The following NEB variants were observed in gnomAD, a reference collection of about 807,000 sequenced individuals.
NEB encodes nebulin.
A neutral mutation model predicts 952.2 loss-of-function variants in NEB; 512 were observed. That is an observed-to-expected ratio of 0.54 (90% confidence interval 0.50 to 0.58). The LOEUF is 0.58. NEB is among the 20% of genes least tolerant of loss of function. The probability of loss-of-function intolerance (pLI) is 0.00; values close to 1 mark genes in which losing one functional copy is unlikely to be tolerated. For missense variants in NEB, 8,428 were observed against 9,231.1 expected, an observed-to-expected ratio of 0.91 and a Z score of 3.56; for synonymous variants, 2,900 against 3,149.8, an observed-to-expected ratio of 0.92 and a Z score of 2.66.
Position 151,642,577 on chromosome 2 carries a change from A to G in NEB, c.8370T>C (p.Ser2790=). 1 of 1,609,430 alleles carries G rather than the reference A, an allele frequency of 6.2e-7. No individual in the cohort carries two copies. The highest frequency in any genetic ancestry group is 8.5e-7 in the Non-Finnish European group (1 of 1,177,122). ...KAAKASRDIA[S]EFKYKEGYRK... Reference sequence around the variant, plus strand: ...ATAACTTTCCAAGTATACTTACTTCACTTGCAATATCTCTGGAGGCCTTGG... The same window carrying G: ...ATAACTTTCCAAGTATACTTACTTCGCTTGCAATATCTCTGGAGGCCTTGG... The change falls in exon 60 of 182, where the codon AGT becomes AGC. Residue 2790 remains serine (S), a synonymous_variant. Coordinates refer to ENST00000397345, the MANE Select transcript of NEB (RefSeq NM_001164508.2).
rs547326393 is a variant in NEB, at chr2:151,650,633, A to T, written c.7168T>A (p.Cys2390Ser). 6.2e-7 allele frequency: 1 copy of T among 1,611,860 alleles called. No homozygotes were observed. The highest frequency in any genetic ancestry group is 8.5e-7 in the Non-Finnish European group (1 of 1,178,486). The change falls in exon 53 of 182, where the codon TGT (cysteine) becomes AGT (serine). Residue 2390 changes from cysteine (C) to serine (S), a missense_variant. Around this residue, in one of 11 missense-constraint regions of NEB, gnomAD observed 1,772 missense variants for 1,960.3 expected, o/e 0.90. Coordinates refer to ENST00000397345, the MANE Select transcript of NEB (RefSeq NM_001164508.2). ...ACAACATCGTTCTGATCAGGCAGAC[A>T]TGTCCACTGATGCAGGTAGTTCTTG... is the stretch of plus-strand genomic sequence containing the variant. ...DYKNYLHQWT[C>S]LPDQNDVVQA... is the part of the protein sequence containing the mutation.
chr2:151,524,366 A>C lies in NEB; in HGVS notation c.22424T>G (p.Met7475Arg). 1 of 1,613,984 alleles carries C rather than the reference A, an allele frequency of 6.2e-7. No individual in the cohort carries two copies. Among genetic ancestry groups the C allele is most frequent in the Non-Finnish European group, 8.5e-7 (1 of 1,179,880 alleles). ...CATTTCTATGTCTGGGCGACCGAGC[A>C]TGCTTAAGCCATGGCTGCCTTCCTT... is the stretch of plus-strand genomic sequence containing the variant. ...HRKEGSHGLSMLGRPDIEMAK... is the reference protein window; with the variant it reads ...HRKEGSHGLSRLGRPDIEMAK... The change falls in exon 153 of 182, where the codon ATG (methionine) becomes AGG (arginine). Residue 7475 changes from methionine to arginine, a missense_variant. Transcript: ENST00000397345.
chr2:151,626,342 T>C (rs1478788881), intron 70 of NEB, among the ~76,000 whole-genome samples: 4 of 152,068 alleles, frequency 2.6e-5, no homozygotes, highest in African/African-American at 7.2e-5. Context: ...CTCAAACTGC[T>C]GAGCTCAAGT....
chr2:151,546,001 T>TAAA lies in NEB; in HGVS notation c.20467-6_20467-4dup, dbSNP rs10687343. ...TTATCAGTGTATAGGTAATTAGACT[T>TAAA]AAAAAAAAAAAAAAAAACAGAAATA... On this transcript the variant is annotated splice_polypyrimidine_tract_variant and splice_region_variant and intron_variant, in intron 134 of 181. Transcript: ENST00000397345. The TAAA allele has an allele frequency of 0.042, 38,848 of 933,346 alleles. 51 individuals are homozygous for TAAA. Among genetic ancestry groups the TAAA allele is most frequent in the Non-Finnish European group, 0.045 (28,427 of 632,802 alleles). 57.8% of individuals were successfully genotyped at this position (933,346 alleles called of 1,614,324 possible).
At chr2:151,636,172 A>T in intron 64 of NEB, 55 bp downstream of exon 64, 1 of 1,408,680 alleles carries the variant, frequency 7.1e-7, no homozygotes, top group African/African-American at 1.4e-5. Flanking sequence ...GATTTAGTTC[A>T]GTGAAAATGC....
At position 151,562,011 on chromosome 2, in the gene NEB, C is replaced by T. The variant is rs888076542; in HGVS notation, c.18996+99G>A. On this transcript the variant is annotated intron_variant, in intron 121 of 181. Coordinates refer to ENST00000397345, the MANE Select transcript of NEB (RefSeq NM_001164508.2). ...GGGCTTTGGTCAGTTAGAGCCTACA[C>T]TGTTACAGCAACTTTCTTTGCCTGC... 10 of 905,130 alleles carry T rather than the reference C, an allele frequency of 1.1e-5. No homozygotes were observed. In the Admixed American group the frequency reaches 1.3e-4, roughly 11 times the overall value. 56.1% of individuals were successfully genotyped at this position (905,130 alleles called of 1,614,324 possible). A position where few individuals can be genotyped will look rare whatever the true frequency, so the allele number is the denominator to read the frequency against.
At position 151,537,913 on chromosome 2, in the gene NEB, C is replaced by G. The variant is rs763505713; in HGVS notation, c.21061G>C (p.Glu7021Gln). The G allele has an allele frequency of 6.2e-7, 1 of 1,613,132 alleles. No individual in the cohort carries two copies. Among genetic ancestry groups the G allele is most frequent in the East Asian group, 2.2e-5 (1 of 44,832 alleles). Residue 7021 changes from glutamate (E) to glutamine (Q), a missense_variant, in exon 140 of 182, where the codon GAG becomes CAG. Physicochemically the swap from Glu to Gln is conservative, Grantham distance 29. Around this residue, in one of 11 missense-constraint regions of NEB, gnomAD observed 3,374 missense variants for 3,651.5 expected, o/e 0.92. Coordinates refer to ENST00000397345, the MANE Select transcript of NEB (RefSeq NM_001164508.2). ...GIWRSIPDRP[E>Q]HFHHRAVTDT... Reference sequence around the variant, plus strand: ...GTGACTGCTCGGTGGTGGAAATGCTCTGGACGATCAGGAATGGACCTCCAG... The same window carrying G: ...GTGACTGCTCGGTGGTGGAAATGCTGTGGACGATCAGGAATGGACCTCCAG...
intron 9 of NEB, among the ~76,000 whole-genome samples, chr2:151,718,343 C>A (rs1045597072): frequency 6.6e-6 from 1 of 152,164 alleles, no homozygotes; most frequent in Non-Finnish European, 1.5e-5. Context: ...GTTCTGTGAA[C>A]AACAGCTTGC....
intron 77 of NEB, 110 bp downstream of exon 77, chr2:151,614,166 T>C (rs1444540998): frequency 8.1e-7 from 1 of 1,235,824 alleles, no homozygotes; most frequent in Admixed American, 2.5e-5. Context: ...TTCAGAACAT[T>C]ATCCTAAAGA....
chr2:151,627,887 GC>G, intron 68 of NEB, 53 bp from the exon 69 acceptor site: 1 of 1,553,512 alleles, frequency 6.4e-7, no homozygotes, highest in South Asian at 1.2e-5. Context: ...AGGCTTAGAA[GC>G]CTCATTAATT....
chr2:151,512,706 G>T, intron 161 of NEB, 27 bp downstream of exon 161: 1 of 1,479,582 alleles, frequency 6.8e-7, no homozygotes, highest in Non-Finnish European at 9.4e-7. Flanking sequence ...TGGGGTTTAT[G>T]AGTGATGGCA....
chr2:151,681,886 C>A (rs2099416446), intron 29 of NEB, among the ~76,000 whole-genome samples: 1 of 152,110 alleles, frequency 6.6e-6, no homozygotes, highest in South Asian at 2.1e-4. Flanking sequence ...TCTATAATAA[C>A]TGCATTATTC....
In NEB at chr2:151,627,655, T is replaced by C. The variant is rs2098551318; in HGVS notation, c.10011A>G (p.Gly3337=). 3.1e-6 allele frequency: 5 copies of C among 1,613,806 alleles called. No individual in the cohort carries two copies. Among genetic ancestry groups the C allele is most frequent in the African/African-American group, 2.7e-5 (2 of 74,880 alleles). Residue 3337 remains glycine (G), a synonymous_variant, in exon 69 of 182, where the codon GGA becomes GGG. Transcript: ENST00000397345. ...TCTGGCACTTCTTGGCTAACACCAC[T>C]CCCAGCATGTCCACTGGGCTGCTGA... ...TKFSSPVDML[G]VVLAKKCQTL...
At chr2:151,545,848 T>C (rs372252328) in intron 135 of NEB, 40 bp downstream of exon 135, 132 of 1,266,042 alleles carry the variant, frequency 1.0e-4, no homozygotes, top group Non-Finnish European at 1.5e-4. Flanking sequence ...TTTGTACTGG[T>C]CAATTTGATT....
rs545994198 is a variant in NEB at position 151,530,916 on chromosome 2, T to C, written c.21630+78A>G. ...AGGGTGGTTGTTACACAGGAATAGATAACTGGACCAGGGTTTGTTACATCT... is the reference window on the plus strand; with the variant it reads ...AGGGTGGTTGTTACACAGGAATAGACAACTGGACCAGGGTTTGTTACATCT... On this transcript the variant is annotated intron_variant, in intron 145 of 181. Coordinates refer to ENST00000397345, the MANE Select transcript of NEB (RefSeq NM_001164508.2). 2.4e-5 allele frequency: 22 copies of C among 900,908 alleles called. No individual in the cohort carries two copies. In the East Asian group the frequency reaches 5.6e-4, roughly 23 times the overall value. 55.8% of individuals were successfully genotyped at this position (900,908 alleles called of 1,614,324 possible).
In NEB at chr2:151,619,715, G is replaced by A. The variant is rs144673752; in HGVS notation, c.10608C>T (p.Gly3536=). The A allele has an allele frequency of 1.2e-4, 191 of 1,613,686 alleles. No homozygotes were observed. The highest frequency in any genetic ancestry group is 9.9e-4 in the Middle Eastern group (6 of 6,060). The part of the protein sequence containing the change: ...AYRKQLGHHI[G]ARAVHDDPKI... ...TGGGGTCATCGTGTACTGCTCGGGC[G>A]CCAATGTGGTGACCCAACTGTTTAC... The change falls in exon 73 of 182, where the codon GGC becomes GGT. Residue 3536 remains glycine (G), a synonymous_variant. Coordinates refer to ENST00000397345, the MANE Select transcript of NEB (RefSeq NM_001164508.2).
At position 151,640,027 on chromosome 2, in the gene NEB, C is replaced by T. The variant is rs201707021; in HGVS notation, c.8719G>A (p.Gly2907Ser). ...MYKSDLQWMRGIGWVSIGSLD... is the reference protein window; with the variant it reads ...MYKSDLQWMRSIGWVSIGSLD... ...GAGCCAATGGACACCCAGCCAATGCCTCTCATCCACTGGAGATCAGACTTG... is the reference window on the plus strand; with the variant it reads ...GAGCCAATGGACACCCAGCCAATGCTTCTCATCCACTGGAGATCAGACTTG... Residue 2907 changes from glycine to serine, a missense_variant, in exon 62 of 182, where the codon GGC (glycine) becomes AGC (serine). Gly to Ser is a moderately conservative substitution (Grantham distance 56). This residue lies in a region of NEB where 1,772 missense variants were observed against 1,960.3 expected (regional missense o/e 0.90). Coordinates refer to ENST00000397345, the MANE Select transcript of NEB (RefSeq NM_001164508.2). 408 of 1,613,902 alleles carry T rather than the reference C, an allele frequency of 2.5e-4. No individual in the cohort carries two copies. The African/African-American group carries it at 3.7e-3, about 14-fold the overall frequency.
Position 151,610,836 on chromosome 2 carries a change from T to C in NEB, c.11836A>G (p.Lys3946Glu). The change falls in exon 79 of 182, where the codon AAA becomes GAA. Residue 3946 changes from lysine to glutamate, a missense_variant. By Grantham distance (56) the Lys-to-Glu change is moderately conservative. Transcript: ENST00000397345. ...TCTGGCATCACGTGGATGGAGGTTT[T>C]GTCAGCATCCCAAGCTTCTGTGTAT... ...HLYTEAWDAD[K>E]TSIHVMPDTP... The C allele has an allele frequency of 6.2e-7, 1 of 1,601,580 alleles. No homozygotes were observed. The highest frequency in any genetic ancestry group is 8.5e-7 in the Non-Finnish European group (1 of 1,173,460).
chr2:151,570,459 GAAA>G (rs755252809), intron 108 of NEB, 35 bp downstream of exon 108: 2 of 1,258,658 alleles, frequency 1.6e-6, no homozygotes, highest in Non-Finnish European at 2.2e-6. Context: ...GGCATCGGCT[GAAA>G]AAAAAAAACT....
Sources: gnomAD v4.1 joint callset for allele counts (sites outside exome capture counted in the v4.1 genomes callset) on GRCh38, gnomAD v4.1.1 for gene constraint, gnomAD v4.1.1 regional missense constraint, MANE v1.5 for transcripts, NCBI Gene and HGNC (gene_info 2026-07-23, HGNC 2026-07-21) for gene names.